DPYD: variants seen among roughly 807,000 people sequenced by gnomAD.
DPYD encodes the protein dihydropyrimidine dehydrogenase.
A neutral mutation model predicts 116.2 loss-of-function variants in DPYD; 109 were observed. That is an observed-to-expected ratio of 0.94 (90% CI 0.80 to 1.10). The LOEUF (loss-of-function observed/expected upper bound fraction) is 1.10, where lower values mean the gene tolerates loss of function less well. Ranked by LOEUF, DPYD falls within the 50% of genes least tolerant of loss-of-function variation. The pLI is 0.00. For synonymous variants in DPYD, 440 were observed against 432.0 expected (o/e 1.02, Z -0.23); for missense variants, 1,302 against 1,254.5 (o/e 1.04, Z -0.57).
intron 19 of DPYD, among the ~76,000 whole-genome samples, chr1:97,203,635 A>T (rs1659366719): frequency 6.8e-6 from 1 of 147,800 alleles, no homozygotes; most frequent in African/African-American, 2.6e-5. Flanking sequence ...TAAAAAAAAT[A>T]AAAAAAATAA....
chr1:97,519,116 T>C (rs890946678), intron 12 of DPYD, among the ~76,000 whole-genome samples: 4 of 152,116 alleles, frequency 2.6e-5, no homozygotes, highest in African/African-American at 9.7e-5. Flanking sequence ...GAAGGTAAAC[T>C]AAAACAATTT....
intron 16 of DPYD, among the ~76,000 whole-genome samples, chr1:97,326,720 T>TA (rs1399493267): frequency 6.6e-6 from 1 of 151,998 alleles, no homozygotes; most frequent in East Asian, 1.9e-4. Context: ...GGAATGTAGT[T>TA]ATAGACACCT....
intron 2 of DPYD, among the ~76,000 whole-genome samples, chr1:97,862,717 T>A (rs1215778291): frequency 6.6e-6 from 1 of 151,948 alleles, no homozygotes; most frequent in Non-Finnish European, 1.5e-5. Flanking sequence ...AAACATAATA[T>A]CCCACAGTTA....
chr1:97,919,213 A>G (rs1396215507), intron 1 of DPYD, among the ~76,000 whole-genome samples: 1 of 152,252 alleles, frequency 6.6e-6, no homozygotes, highest in African/African-American at 2.4e-5. Flanking sequence ...AGTGTTGCAC[A>G]TATGAACTAC....
At chr1:97,891,432 T>C (rs1202061613) in intron 1 of DPYD, among the ~76,000 whole-genome samples, 2 of 151,480 alleles carry the variant, frequency 1.3e-5, no homozygotes, top group East Asian at 3.9e-4. Flanking sequence ...GAAAAAAAAA[T>C]TAGAAAAAAT....
chr1:97,128,541 C>T (rs952131307), intron 20 of DPYD, among the ~76,000 whole-genome samples: 1 of 152,136 alleles, frequency 6.6e-6, no homozygotes, highest in African/African-American at 2.4e-5. Context: ...ATCTATAAAA[C>T]TTTACAGCCC....
chr1:97,277,324 T>C (rs888182573), intron 18 of DPYD, among the ~76,000 whole-genome samples: 11 of 151,352 alleles, frequency 7.3e-5, no homozygotes, highest in African/African-American at 2.4e-4. Flanking sequence ...AAATTACCCA[T>C]GTAACAGACC....
Position 97,618,637 on chromosome 1 carries a change from C to T in DPYD, c.851-23471G>A, listed in dbSNP as rs551259046. Among the ~76,000 whole-genome samples the T allele has an allele frequency of 6.6e-5, 10 of 152,154 alleles. No homozygotes were observed. In the South Asian group the frequency reaches 8.3e-4, roughly 13 times the overall value. On this transcript the variant is annotated intron_variant, in intron 8 of 22. Coordinates refer to ENST00000370192, the MANE Select transcript of DPYD (RefSeq NM_000110.4). ...GACCAGTAATAACCAGTTCAGAGTCCGGCGCCAGTCTATGGCTACACAACC... is the reference window on the plus strand; with the variant it reads ...GACCAGTAATAACCAGTTCAGAGTCTGGCGCCAGTCTATGGCTACACAACC...
At chr1:97,699,781 T>C (rs1456819139) in intron 5 of DPYD, among the ~76,000 whole-genome samples, 1 of 151,952 alleles carries the variant, frequency 6.6e-6, no homozygotes, top group Non-Finnish European at 1.5e-5. Context: ...ATGGGGCACA[T>C]TCCCTACTCC....
At chr1:97,551,081 G>C (rs763043600) in intron 11 of DPYD, among the ~76,000 whole-genome samples, 3 of 152,226 alleles carry the variant, frequency 2.0e-5, no homozygotes, top group East Asian at 3.9e-4. Flanking sequence ...TGGAGCAGAG[G>C]ACACTCAATT....
chr1:97,440,099 AAC>A (rs1403498107), intron 14 of DPYD, among the ~76,000 whole-genome samples: 1 of 152,066 alleles, frequency 6.6e-6, no homozygotes, highest in Non-Finnish European at 1.5e-5. Flanking sequence ...AACATGGAGA[AAC>A]CCTGTCTATA....
At chr1:97,447,085 C>CG (rs1676128978) in intron 14 of DPYD, among the ~76,000 whole-genome samples, 1 of 152,132 alleles carries the variant, frequency 6.6e-6, no homozygotes, top group Non-Finnish European at 1.5e-5. Flanking sequence ...GTTCATCAGC[C>CG]ATCTCCTCTG....
At chr1:97,480,296 C>G (rs868067640) in intron 13 of DPYD, among the ~76,000 whole-genome samples, 1 of 152,014 alleles carries the variant, frequency 6.6e-6, no homozygotes, top group Middle Eastern at 3.2e-3. Context: ...TTTGAGTACT[C>G]AGAAATGAAG....
At position 97,152,650 on chromosome 1, in the gene DPYD, AG is replaced by A. The variant is rs560820564; in HGVS notation, c.2622+40418del. On this transcript the variant is annotated intron_variant, in intron 20 of 22. Transcript: ENST00000370192. ...CTATTGTATATAACATATATATGCA[AG>A]GCACACATGTAGATATTGCTGTATA... Among the ~76,000 whole-genome samples, 607 of 151,148 alleles carry A rather than the reference AG, an allele frequency of 4.0e-3. 1 individual carries two copies. Among genetic ancestry groups the A allele is most frequent in the African/African-American group, 0.014 (585 of 41,286 alleles).
chr1:97,234,867 A>G lies in DPYD; in HGVS notation c.2427T>C (p.Gly809=), dbSNP rs762611418. The change falls in exon 19 of 23, where the codon GGT becomes GGC. Residue 809 remains glycine, a synonymous_variant. Coordinates refer to ENST00000370192, the MANE Select transcript of DPYD (RefSeq NM_000110.4). ...AESGLQFLHS[G]ASVLQVCSAI... is the part of the protein sequence containing the mutation. ...CAATGACTACCTGGAGGACGGAAGC[A>G]CCACTATGGAGAAACTGAAGACCAC... is the stretch of plus-strand genomic sequence containing the variant. 8.7e-6 allele frequency: 14 copies of G among 1,613,994 alleles called. No homozygotes were observed. Among genetic ancestry groups the G allele is most frequent in the South Asian group, 1.1e-5 (1 of 91,052 alleles).
At position 97,259,542 on chromosome 1, in the gene DPYD, G is replaced by T. The variant is rs79391689; in HGVS notation, c.2300-24548C>A. ...CAGAAATTGAAAGACCAGTGGCCAA[G>T]GATCAAAGTATTCAATCAAGGTTGG... On this transcript the variant is annotated intron_variant, in intron 18 of 22. Coordinates refer to ENST00000370192, the MANE Select transcript of DPYD (RefSeq NM_000110.4). Among the ~76,000 whole-genome samples the T allele has an allele frequency of 1.0e-3, 159 of 151,978 alleles. 2 individuals are homozygous for T. Among genetic ancestry groups the T allele is most frequent in the African/African-American group, 3.7e-3 (155 of 41,454 alleles).
At chr1:97,491,280 C>A (rs1255605593) in intron 13 of DPYD, among the ~76,000 whole-genome samples, 1 of 149,562 alleles carries the variant, frequency 6.7e-6, no homozygotes, top group African/African-American at 2.5e-5. Flanking sequence ...ATATATATTG[C>A]ATAGATTTGT....
chr1:97,156,931 G>A (rs1424387243), intron 20 of DPYD, among the ~76,000 whole-genome samples: 1 of 151,902 alleles, frequency 6.6e-6, no homozygotes, highest in South Asian at 2.1e-4. Flanking sequence ...GGAATACTAT[G>A]CAGCCATAAA....
At chr1:97,088,626 C>T (rs545319821) in intron 21 of DPYD, among the ~76,000 whole-genome samples, 1 of 152,172 alleles carries the variant, frequency 6.6e-6, no homozygotes, top group South Asian at 2.1e-4. Context: ...CTGCTTCCTC[C>T]ATACTCCACC....
Sources: gnomAD v4.1 joint callset for allele counts (sites outside exome capture counted in the v4.1 genomes callset) on GRCh38, gnomAD v4.1.1 for gene constraint, MANE v1.5 for transcripts, NCBI Gene and HGNC (gene_info 2026-07-23, HGNC 2026-07-21) for gene names.